Variants in DTNB observed in about 807,000 individuals in gnomAD.
The protein encoded by DTNB is DTN-B.
In DTNB, 63 loss-of-function variants were observed where a neutral mutation model predicts 90.7. That is an observed-to-expected ratio of 0.69 (90% CI 0.57 to 0.86). The LOEUF is 0.86. Among genes scored for constraint, DTNB ranks in the 40% least tolerant of loss-of-function variants. DTNB has a pLI of 0.00. For missense variants in DTNB, 744 were observed against 807.1 expected, an observed-to-expected ratio of 0.92 and a Z score of 0.95; for synonymous variants, 277 against 286.7, an observed-to-expected ratio of 0.97 and a Z score of 0.34.
At chr2:25,455,895 G>A (rs1029261597) in intron 10 of DTNB, among the ~76,000 whole-genome samples, 7 of 152,174 alleles carry the variant, frequency 4.6e-5, no homozygotes, top group South Asian at 2.1e-4. Context: ...ACCCCCTAGC[G>A]CTATGCTTTT....
chr2:25,414,801 G>C (rs1052307540), intron 16 of DTNB, among the ~76,000 whole-genome samples: 5 of 152,080 alleles, frequency 3.3e-5, no homozygotes, highest in African/African-American at 1.2e-4. Context: ...GGATGTAATA[G>C]TGAAAAAGGC....
At chr2:25,597,986 C>T (rs1357052989) in intron 5 of DTNB, among the ~76,000 whole-genome samples, 1 of 152,208 alleles carries the variant, frequency 6.6e-6, no homozygotes, top group Non-Finnish European at 1.5e-5. Context: ...TGCCAGTAGC[C>T]ACATTATCCT....
In DTNB at chr2:25,640,112, C is replaced by G. The variant is rs1043789918; in HGVS notation, c.68-1018G>C. ...ATAGAATGACTGTTTGAGGGGTAAG[C>G]GATATATGGCCAGAGTAACTAGAAC... On this transcript the variant is annotated intron_variant, in intron 2 of 20. Transcript: ENST00000406818. 3.3e-5 allele frequency among the ~76,000 whole-genome samples: 5 copies of G among 152,200 alleles called. No individual in the cohort carries two copies. The South Asian group carries it at 1.0e-3, about 32-fold the overall frequency.
chr2:25,419,240 T>A, intron 16 of DTNB: 1 of 549,522 alleles, frequency 1.8e-6, no homozygotes, highest in East Asian at 3.0e-5. Context: ...AGCAGGAAAA[T>A]GCAATGGTAG....
intron 9 of DTNB, among the ~76,000 whole-genome samples, chr2:25,504,292 G>A (rs951499908): frequency 1.3e-5 from 2 of 148,918 alleles, no homozygotes. Context: ...TGGAAGGAAG[G>A]AAAGAAAGAA....
At chr2:25,433,794 T>C in intron 13 of DTNB, 116 bp downstream of exon 13, 1 of 1,180,106 alleles carries the variant, frequency 8.5e-7, no homozygotes, top group Non-Finnish European at 1.2e-6. Flanking sequence ...CTAGGTTCAC[T>C]GAGGCAAGGT....
intron 16 of DTNB, among the ~76,000 whole-genome samples, chr2:25,394,931 C>T (rs537224948): frequency 2.4e-4 from 37 of 152,272 alleles, no homozygotes; most frequent in African/African-American, 8.2e-4. Flanking sequence ...TACTTGCATA[C>T]GCATGTTTAT....
At chr2:25,489,648 G>A (rs1309318174) in intron 9 of DTNB, among the ~76,000 whole-genome samples, 6 of 151,816 alleles carry the variant, frequency 4.0e-5, no homozygotes, top group Non-Finnish European at 7.4e-5. Context: ...CCAAGACTCC[G>A]TCTCTTAAAG....
chr2:25,635,947 C>A (rs1375406031), intron 3 of DTNB, among the ~76,000 whole-genome samples: 1 of 152,168 alleles, frequency 6.6e-6, no homozygotes, highest in African/African-American at 2.4e-5. Flanking sequence ...CCAGGGAACA[C>A]AAGAGGGTCA....
chr2:25,513,881 G>T (rs768970891), intron 9 of DTNB, among the ~76,000 whole-genome samples: 2 of 151,520 alleles, frequency 1.3e-5, no homozygotes, highest in African/African-American at 2.4e-5. Flanking sequence ...AGATACACAT[G>T]CAGTTATGCA....
At chr2:25,673,189 G>C (rs1344577861) in intron 1 of DTNB, among the ~76,000 whole-genome samples, 197 bp downstream of exon 1, 1 of 151,478 alleles carries the variant, frequency 6.6e-6, no homozygotes, top group Non-Finnish European at 1.5e-5. Context: ...GGCTAGCCGC[G>C]CCGTCCCACC....
At chr2:25,458,896 C>T (rs554199471) in intron 10 of DTNB, among the ~76,000 whole-genome samples, 115 of 152,256 alleles carry the variant, frequency 7.6e-4, no homozygotes, top group African/African-American at 2.1e-3. Context: ...CCGCCTGCCT[C>T]GGCCTCCCAA....
intron 16 of DTNB, among the ~76,000 whole-genome samples, chr2:25,418,337 C>T (rs1050090011): frequency 4.6e-5 from 7 of 152,080 alleles, no homozygotes; most frequent in Admixed American, 1.3e-4. Context: ...CCATTGCTCT[C>T]CTAGCTAGAA....
intron 12 of DTNB, among the ~76,000 whole-genome samples, chr2:25,439,446 G>A (rs1328560389): frequency 6.6e-6 from 1 of 152,138 alleles, no homozygotes; most frequent in African/African-American, 2.4e-5. Context: ...AGGCTGCAGT[G>A]AGCTGAGATC....
chr2:25,531,058 T>C (rs1174255045), intron 9 of DTNB, among the ~76,000 whole-genome samples: 2 of 152,218 alleles, frequency 1.3e-5, no homozygotes, highest in East Asian at 1.9e-4. Context: ...TTTCCCTCAA[T>C]ACAAAAAACA....
chr2:25,525,887 T>A (rs1178410635), intron 9 of DTNB, among the ~76,000 whole-genome samples: 2 of 151,972 alleles, frequency 1.3e-5, no homozygotes, highest in Non-Finnish European at 2.9e-5. Context: ...TGCATTAAGA[T>A]AAGAGGACTG....
intron 10 of DTNB, among the ~76,000 whole-genome samples, chr2:25,477,662 T>C (rs960350885): frequency 6.6e-6 from 1 of 152,036 alleles, no homozygotes; most frequent in Non-Finnish European, 1.5e-5. Flanking sequence ...TTGGGAGAAA[T>C]AAAAGTGAAG....
At chr2:25,384,884 CTTTTT>C (rs781402500) in intron 18 of DTNB, among the ~76,000 whole-genome samples, 4 of 146,328 alleles carry the variant, frequency 2.7e-5, no homozygotes, top group Admixed American at 6.9e-5. Context: ...CTTTTCTTTT[CTTTTT>C]TTTTTTTTGA....
chr2:25,527,844 T>C (rs1361354342), intron 9 of DTNB, among the ~76,000 whole-genome samples: 1 of 152,016 alleles, frequency 6.6e-6, no homozygotes, highest in Admixed American at 6.6e-5. Context: ...AAATAACCCT[T>C]CCAAATCTTG....
Sources: allele counts gnomAD v4.1 joint callset (sites outside exome capture counted in the v4.1 genomes callset), GRCh38; gene constraint gnomAD v4.1.1; transcripts MANE v1.5; gene names NCBI Gene and HGNC (gene_info 2026-07-23, HGNC 2026-07-21).